ASAP1: variants seen among roughly 807,000 people sequenced by gnomAD.
ASAP1 encodes ArfGAP with SH3 domain, ankyrin repeat and PH domain 1.
In ASAP1, 43 loss-of-function variants were observed where a neutral mutation model predicts 145.2. The ratio of observed to expected loss-of-function variants is 0.30; its 90% confidence interval spans 0.23 to 0.38. The LOEUF (loss-of-function observed/expected upper bound fraction) is 0.38. ASAP1 is among the 10% of genes least tolerant of loss of function. The pLI is 1.00. For missense variants in ASAP1, 1,018 were observed against 1,355.3 expected (o/e 0.75, Z 3.91); for synonymous variants, 546 against 515.5 (o/e 1.06, Z -0.80).
intron 4 of ASAP1, among the ~76,000 whole-genome samples, chr8:130,220,035 C>T (rs533527279): frequency 6.6e-6 from 1 of 152,324 alleles, no homozygotes; most frequent in African/African-American, 2.4e-5. Context: ...GTGTTCCTCC[C>T]ACATTGGCCA....
chr8:130,365,473 T>G (rs1306474118), intron 2 of ASAP1, among the ~76,000 whole-genome samples: 1 of 152,172 alleles, frequency 6.6e-6, no homozygotes, highest in African/African-American at 2.4e-5. Flanking sequence ...AAACTTGCGA[T>G]CTATAGGAAC....
chr8:130,208,291 TTTGGTATGTC>T (rs1283057414), intron 5 of ASAP1, among the ~76,000 whole-genome samples: 1 of 152,170 alleles, frequency 6.6e-6, no homozygotes, highest in Non-Finnish European at 1.5e-5. Context: ...CATTCATTGT[TTTGGTATGTC>T]TTTGTGTATA....
chr8:130,200,967 G>A (rs900818359), intron 5 of ASAP1, among the ~76,000 whole-genome samples: 1 of 152,208 alleles, frequency 6.6e-6, no homozygotes, highest in African/African-American at 2.4e-5. Context: ...TGTCCAGAGT[G>A]ACAATCCTTC....
chr8:130,188,369 G>A (rs1814887787), intron 5 of ASAP1, among the ~76,000 whole-genome samples, 186 bp from the exon 6 acceptor site: 2 of 152,186 alleles, frequency 1.3e-5, no homozygotes, highest in South Asian at 4.1e-4. Flanking sequence ...CTACTTTGCA[G>A]CTGAGGGAAC....
chr8:130,393,378 G>A lies in ASAP1; in HGVS notation c.59+8507C>T, dbSNP rs553108166. On this transcript the variant is annotated intron_variant, in intron 2 of 29. Transcript: ENST00000518721. ...CTCCCTGGAAGGTATTAAAAGTCTT[G>A]GAATACTCCCACAAACAAGCAGCAA... 5.9e-5 allele frequency among the ~76,000 whole-genome samples: 9 copies of A among 152,212 alleles called. No individual in the cohort carries two copies. In the South Asian group the frequency reaches 1.9e-3, roughly 32 times the overall value.
At chr8:130,224,807 T>TAC (rs1817498148) in intron 4 of ASAP1, among the ~76,000 whole-genome samples, 1 of 152,228 alleles carries the variant, frequency 6.6e-6, no homozygotes, top group South Asian at 2.1e-4. Flanking sequence ...CACAAGCTCT[T>TAC]ACACGCTGTT....
chr8:130,075,965 T>C (rs749534203), intron 27 of ASAP1, among the ~76,000 whole-genome samples: 8 of 152,216 alleles, frequency 5.3e-5, no homozygotes, highest in Non-Finnish European at 1.0e-4. Flanking sequence ...ATTTTACAGA[T>C]GAGGAATCTC....
chr8:130,183,759 T>C (rs972827592), intron 7 of ASAP1, among the ~76,000 whole-genome samples: 5 of 152,162 alleles, frequency 3.3e-5, no homozygotes, highest in Non-Finnish European at 5.9e-5. Context: ...CCTAAACTCT[T>C]TGCCTCCTTT....
chr8:130,265,468 GAGGCTGAAGC>G (rs1420282267), intron 3 of ASAP1, among the ~76,000 whole-genome samples: 2 of 151,850 alleles, frequency 1.3e-5, no homozygotes, highest in African/African-American at 4.8e-5. Context: ...AGTGACTCAT[GAGGCTGAAGC>G]AGGAGGTTTG....
chr8:130,223,581 C>A (rs1817420115), intron 4 of ASAP1, among the ~76,000 whole-genome samples: 1 of 151,968 alleles, frequency 6.6e-6, no homozygotes, highest in Non-Finnish European at 1.5e-5. Flanking sequence ...TGATCTAGGG[C>A]AATTTATACA....
At chr8:130,286,595 T>G (rs537969186) in intron 3 of ASAP1, among the ~76,000 whole-genome samples, 2 of 152,280 alleles carry the variant, frequency 1.3e-5, no homozygotes, top group African/African-American at 4.8e-5. Flanking sequence ...CAGTGAGCTT[T>G]GCGGTGAGGG....
At chr8:130,107,514 AAATGTATGTATGT>A (rs1374641514) in intron 24 of ASAP1, among the ~76,000 whole-genome samples, 1,188 of 105,332 alleles carry the variant, frequency 0.011, 6 homozygotes, top group Middle Eastern at 0.041. Context: ...TTTTTTTAAA[AAATGTATGTATGT>A]ATGTATGTAT....
At chr8:130,381,857 A>G (rs747405224) in intron 2 of ASAP1, among the ~76,000 whole-genome samples, 3 of 152,122 alleles carry the variant, frequency 2.0e-5, no homozygotes, top group Non-Finnish European at 2.9e-5. Flanking sequence ...AGGCCTCTGC[A>G]TGCTTGTTCC....
intron 13 of ASAP1, among the ~76,000 whole-genome samples, chr8:130,148,065 T>G (rs1028612015): frequency 1.3e-5 from 2 of 152,218 alleles, no homozygotes; most frequent in Non-Finnish European, 2.9e-5. Context: ...GTACTCCTCC[T>G]TCTCCTCCCT....
At chr8:130,348,126 G>A (rs1037515474) in intron 3 of ASAP1, among the ~76,000 whole-genome samples, 2 of 152,188 alleles carry the variant, frequency 1.3e-5, no homozygotes, top group Admixed American at 6.5e-5. Flanking sequence ...TGCTATACCA[G>A]GCACTGGAGA....
chr8:130,092,915 A>G (rs2097508538), intron 24 of ASAP1, among the ~76,000 whole-genome samples: 1 of 149,906 alleles, frequency 6.7e-6, no homozygotes, highest in Non-Finnish European at 1.5e-5. Context: ...TCTTCTAGTC[A>G]GCAAACTGCC....
chr8:130,399,814 C>CTTT (rs66587581), intron 2 of ASAP1, among the ~76,000 whole-genome samples: 3 of 124,582 alleles, frequency 2.4e-5, no homozygotes, highest in Non-Finnish European at 3.3e-5. Flanking sequence ...AAGTCAGTGT[C>CTTT]TTTTTTTTTT....
intron 1 of ASAP1, among the ~76,000 whole-genome samples, chr8:130,420,680 G>T (rs1829684048): frequency 6.6e-6 from 1 of 152,028 alleles, no homozygotes; most frequent in South Asian, 2.1e-4. Flanking sequence ...GATCACCTGA[G>T]GTCAGGAGTT....
chr8:130,152,931 A>C (rs1279564299), intron 12 of ASAP1, 126 bp from the exon 13 acceptor site: 7 of 639,122 alleles, frequency 1.1e-5, no homozygotes, highest in East Asian at 2.9e-5. Context: ...CAACCCCCCC[A>C]AAAAAATCCT....
Sources: gnomAD v4.1 joint callset for allele counts (sites outside exome capture counted in the v4.1 genomes callset) on GRCh38, gnomAD v4.1.1 for gene constraint, MANE v1.5 for transcripts, NCBI Gene and HGNC (gene_info 2026-07-23, HGNC 2026-07-21) for gene names.